The following SULF1 variants were observed in gnomAD, a reference collection of about 807,000 sequenced individuals.
SULF1 encodes extracellular sulfatase Sulf-1.
A neutral mutation model predicts 110.5 loss-of-function variants in SULF1; 46 were observed. The ratio of observed to expected loss-of-function variants is 0.42; its 90% CI spans 0.33 to 0.53. The LOEUF is 0.53. SULF1 is among the 20% of genes least tolerant of loss of function. The pLI, the probability that SULF1 is intolerant of heterozygous loss-of-function variation, is 0.12. For synonymous variants in SULF1, 371 were observed against 387.1 expected (o/e 0.96, Z 0.49); for missense variants, 941 against 1,094.2 (o/e 0.86, Z 1.98).
intron 3 of SULF1, among the ~76,000 whole-genome samples, chr8:69,509,261 G>A (rs1209139168): frequency 6.6e-6 from 1 of 152,026 alleles, no homozygotes; most frequent in Non-Finnish European, 1.5e-5. Flanking sequence ...TTAGTTTTAT[G>A]TCTCTGCCTG....
intron 3 of SULF1, among the ~76,000 whole-genome samples, chr8:69,532,122 C>A (rs1018866234): frequency 8.5e-5 from 13 of 152,252 alleles, no homozygotes; most frequent in African/African-American, 2.6e-4. Flanking sequence ...CGTTGAGAAA[C>A]AAACCTTCAT....
Position 69,658,557 on chromosome 8 carries a change from C to G in SULF1, c.*22C>G, listed in dbSNP as rs761017939. 6.2e-7 allele frequency: 1 copy of G among 1,604,402 alleles called. No individual in the cohort carries two copies. The highest frequency in any genetic ancestry group is 1.3e-5 in the African/African-American group (1 of 74,744). On this transcript the variant is annotated 3_prime_UTR_variant, in exon 23 of 23. Transcript: ENST00000402687. ...TTAATCAGCCCCGTCTCACTGCAGA[C>G]ATCAACTGGCAAGGCCTAGAGGAGC...
At chr8:69,512,319 C>T (rs1811618613) in intron 3 of SULF1, among the ~76,000 whole-genome samples, 3 of 152,134 alleles carry the variant, frequency 2.0e-5, no homozygotes, top group Admixed American at 2.0e-4. Context: ...AGCCCACCAA[C>T]ATCTACCAAG....
intron 3 of SULF1, among the ~76,000 whole-genome samples, chr8:69,557,711 C>T (rs917312797): frequency 2.0e-5 from 3 of 152,134 alleles, no homozygotes; most frequent in African/African-American, 7.2e-5. Flanking sequence ...TCTCCCTCAC[C>T]ATACACCAGG....
At chr8:69,490,349 G>A (rs922751271), upstream of SULF1, among the ~76,000 whole-genome samples, 1 of 151,906 alleles carries the variant, frequency 6.6e-6, no homozygotes, top group Admixed American at 6.6e-5. Flanking sequence ...CAATCCACCC[G>A]CCTTGGCCTC....
intron 3 of SULF1, among the ~76,000 whole-genome samples, chr8:69,547,531 C>T (rs1048605649): frequency 3.9e-5 from 6 of 152,084 alleles, no homozygotes; most frequent in Admixed American, 2.0e-4. Flanking sequence ...CCTTGACTGG[C>T]GAAAATGGCT....
intron 5 of SULF1, among the ~76,000 whole-genome samples, chr8:69,571,355 G>A (rs191221890): frequency 2.8e-4 from 43 of 152,250 alleles, no homozygotes; most frequent in Admixed American, 1.2e-3. Flanking sequence ...AGTGGGGAGC[G>A]CTATTAGAAG....
intron 2 of SULF1, among the ~76,000 whole-genome samples, chr8:69,497,515 G>A (rs963477361): frequency 1.2e-4 from 19 of 152,118 alleles, no homozygotes; most frequent in Non-Finnish European, 2.6e-4. Flanking sequence ...AAGGACAACT[G>A]CATAGGAAAA....
At chr8:69,613,606 A>T (rs1808842948) in intron 13 of SULF1, among the ~76,000 whole-genome samples, 1 of 152,136 alleles carries the variant, frequency 6.6e-6, no homozygotes. Flanking sequence ...TGAAACTCAG[A>T]TGGGAAAATA....
At chr8:69,634,806 A>C (rs1810851353) in intron 19 of SULF1, among the ~76,000 whole-genome samples, 1 of 152,008 alleles carries the variant, frequency 6.6e-6, no homozygotes, top group African/African-American at 2.4e-5. Flanking sequence ...AATGTGTAAA[A>C]AAAAATTTTT....
chr8:69,566,873 T>C (rs1815919519), intron 5 of SULF1, among the ~76,000 whole-genome samples: 1 of 152,152 alleles, frequency 6.6e-6, no homozygotes, highest in Non-Finnish European at 1.5e-5. Flanking sequence ...AACTAGCTTG[T>C]TTAACTCTCA....
chr8:69,512,119 TAAAATTC>T (rs1479732532), intron 3 of SULF1, among the ~76,000 whole-genome samples: 6 of 152,210 alleles, frequency 3.9e-5, no homozygotes, highest in African/African-American at 1.4e-4. Flanking sequence ...ACTTTATATT[TAAAATTC>T]AAAATTCAAG....
At chr8:69,520,664 C>T (rs1812237519) in intron 3 of SULF1, among the ~76,000 whole-genome samples, 1 of 152,164 alleles carries the variant, frequency 6.6e-6, no homozygotes, top group African/African-American at 2.4e-5. Flanking sequence ...ACATTTCCCC[C>T]TTTGGTTTAC....
chr8:69,480,993 A>T (rs1009240840), intron 1 of SULF1, among the ~76,000 whole-genome samples: 3 of 152,032 alleles, frequency 2.0e-5, no homozygotes, highest in Admixed American at 6.5e-5. Context: ...CATATGTAAC[A>T]AACCTGCACA....
intron 6 of SULF1, among the ~76,000 whole-genome samples, chr8:69,582,222 G>A (rs1000109279): frequency 1.3e-5 from 2 of 152,186 alleles, no homozygotes; most frequent in Non-Finnish European, 1.5e-5. Context: ...GCAGAAAAAT[G>A]TAAGCCAAAT....
intron 22 of SULF1, among the ~76,000 whole-genome samples, chr8:69,657,885 A>C (rs1812847138): frequency 6.6e-6 from 1 of 152,222 alleles, no homozygotes; most frequent in Admixed American, 6.5e-5. Context: ...TGAGAAAGTC[A>C]TTCAGTTATC....
At chr8:69,566,038 T>A (rs957738252) in intron 5 of SULF1, among the ~76,000 whole-genome samples, 5 of 152,006 alleles carry the variant, frequency 3.3e-5, no homozygotes, top group African/African-American at 4.8e-5. Context: ...CCAGCAGCAT[T>A]GATGGAACTT....
intron 8 of SULF1, among the ~76,000 whole-genome samples, chr8:69,598,343 A>G (rs865904980): frequency 1.1e-4 from 16 of 152,216 alleles, no homozygotes; most frequent in African/African-American, 3.6e-4. Context: ...CTCTGTATAT[A>G]TGGTGGTTGT....
chr8:69,487,592 G>A (rs1367606577), intron 1 of SULF1, among the ~76,000 whole-genome samples: 1 of 152,148 alleles, frequency 6.6e-6, no homozygotes, highest in African/African-American at 2.4e-5. Context: ...CTAAAATAGA[G>A]GTCTGATGAG....
Sources: allele counts gnomAD v4.1 joint callset (sites outside exome capture counted in the v4.1 genomes callset), GRCh38; gene constraint gnomAD v4.1.1; transcripts MANE v1.5; gene names NCBI Gene and HGNC (gene_info 2026-07-23, HGNC 2026-07-21).